The following GLYR1 variants were observed in gnomAD, a reference collection of about 807,000 sequenced individuals.
The protein encoded by GLYR1 is glyoxylate reductase 1 homolog.
A neutral mutation model predicts 72.7 loss-of-function variants in GLYR1; 21 were observed. That is an observed-to-expected ratio of 0.29 (90% CI 0.20 to 0.42). GLYR1 has a LOEUF of 0.42. Among genes scored for constraint, GLYR1 ranks in the 10% least tolerant of loss-of-function variants. GLYR1 has a pLI of 1.00. For synonymous variants in GLYR1, 392 were observed against 270.2 expected, an observed-to-expected ratio of 1.45 and a Z score of -4.42; for missense variants, 594 against 712.1, an observed-to-expected ratio of 0.83 and a Z score of 1.89.
chr16:4,812,877 A>C (rs1238725178), intron 12 of GLYR1, among the ~76,000 whole-genome samples: 1 of 151,026 alleles, frequency 6.6e-6, no homozygotes, highest in Non-Finnish European at 1.5e-5. Context: ...GCTCACTGCA[A>C]ACTCTGCCTC....
chr16:4,820,851 C>G (rs1156335964), intron 9 of GLYR1, among the ~76,000 whole-genome samples: 2 of 152,212 alleles, frequency 1.3e-5, no homozygotes, highest in African/African-American at 4.8e-5. Context: ...ATCGCCCCAC[C>G]CACACCGGGC....
chr16:4,844,402 A>T (rs1486369547), intron 3 of GLYR1, among the ~76,000 whole-genome samples: 1 of 152,240 alleles, frequency 6.6e-6, no homozygotes, highest in East Asian at 1.9e-4. Flanking sequence ...ACATAAATAA[A>T]AGTTTCCACT....
At chr16:4,812,581 C>G (rs778923216) in intron 12 of GLYR1, among the ~76,000 whole-genome samples, 74 of 152,028 alleles carry the variant, frequency 4.9e-4, no homozygotes, top group Non-Finnish European at 9.6e-4. Flanking sequence ...CAAGCTCCGC[C>G]TCGCGGGTTC....
In GLYR1 at chr16:4,841,457, C is replaced by CAAAAAAAA. The variant is rs1160441336; in HGVS notation, c.155+3609_155+3616dup. Among the ~76,000 whole-genome samples, 65 of 31,924 alleles carry CAAAAAAAA rather than the reference C, an allele frequency of 2.0e-3. 4 individuals are homozygous for CAAAAAAAA. Among genetic ancestry groups the CAAAAAAAA allele is most frequent in the East Asian group, 2.7e-3 (2 of 744 alleles). The allele number at this position is 31,924 out of a possible 152,430, so 20.9% of individuals were successfully genotyped here. On this transcript the variant is annotated intron_variant, in intron 3 of 15. Transcript: ENST00000321919. ...GAAACATGGCGAGAACTTGTCTCTA[C>CAAAAAAAA]AAAAAAAAAAAAAAAAAAAAAAAAA...
intron 5 of GLYR1, among the ~76,000 whole-genome samples, chr16:4,826,921 A>C (rs1443370431): frequency 2.6e-5 from 4 of 152,206 alleles, no homozygotes; most frequent in African/African-American, 9.6e-5. Context: ...TCAGTTTGGC[A>C]CTAAGGAAGG....
intron 15 of GLYR1, among the ~76,000 whole-genome samples, chr16:4,808,080 A>C (rs1482432848): frequency 6.6e-6 from 1 of 152,008 alleles, no homozygotes; most frequent in Admixed American, 6.6e-5. Context: ...TACTACAAAT[A>C]CAAAAATTAG....
At chr16:4,818,301 T>C (rs983584006) in intron 9 of GLYR1, among the ~76,000 whole-genome samples, 5 of 152,048 alleles carry the variant, frequency 3.3e-5, no homozygotes, top group Non-Finnish European at 7.4e-5. Flanking sequence ...CCTCACACTT[T>C]ACTTATTTTT....
At chr16:4,838,660 T>C (rs952727656) in intron 3 of GLYR1, among the ~76,000 whole-genome samples, 1 of 151,922 alleles carries the variant, frequency 6.6e-6, no homozygotes, top group African/African-American at 2.4e-5. Context: ...GATCTCGACT[T>C]ACGGCAAGCT....
At chr16:4,813,637 G>T (rs78660617) in intron 12 of GLYR1, 100 bp downstream of exon 12, 20,345 of 1,016,908 alleles carry the variant, frequency 0.02, 254 homozygotes, top group Middle Eastern at 0.027. Context: ...TCCCTCTCTG[G>T]CTTTGGCTCT....
intron 7 of GLYR1, among the ~76,000 whole-genome samples, chr16:4,821,825 G>C (rs551353390): frequency 4.6e-5 from 7 of 152,308 alleles, no homozygotes; most frequent in African/African-American, 1.7e-4. Context: ...GAGAATAAGA[G>C]TCATAAGCTT....
intron 6 of GLYR1, 67 bp downstream of exon 6, chr16:4,823,754 A>G: frequency 8.2e-7 from 1 of 1,215,064 alleles, no homozygotes. Flanking sequence ...AAAAAAAAAA[A>G]AAAAAGGATC....
At chr16:4,840,817 C>T (rs1291691223) in intron 3 of GLYR1, among the ~76,000 whole-genome samples, 1 of 152,210 alleles carries the variant, frequency 6.6e-6, no homozygotes, top group African/African-American at 2.4e-5. Flanking sequence ...CAATCCAGAG[C>T]TCTTTCCCCA....
At chr16:4,829,315 C>CT (rs1266024397) in intron 5 of GLYR1, among the ~76,000 whole-genome samples, 2 of 151,888 alleles carry the variant, frequency 1.3e-5, no homozygotes, top group African/African-American at 4.8e-5. Flanking sequence ...CAGCTTCTCT[C>CT]TTTTTTTGGA....
At chr16:4,815,996 C>G (rs1177911704) in intron 10 of GLYR1, among the ~76,000 whole-genome samples, 1 of 146,766 alleles carries the variant, frequency 6.8e-6, no homozygotes, top group Non-Finnish European at 1.6e-5. Flanking sequence ...GTCTCGATCT[C>G]CTGACCTCGT....
At chr16:4,823,987 A>G (rs1215231849) in intron 5 of GLYR1, 80 bp from the exon 6 acceptor site, 1 of 1,176,594 alleles carries the variant, frequency 8.5e-7, no homozygotes, top group African/African-American at 1.5e-5. Flanking sequence ...AGTCTAAGGG[A>G]AAGTTCAAGC....
intron 3 of GLYR1, among the ~76,000 whole-genome samples, chr16:4,838,151 A>G (rs1487821104): frequency 6.6e-6 from 1 of 152,130 alleles, no homozygotes; most frequent in African/African-American, 2.4e-5. Flanking sequence ...CTTCAGAAAT[A>G]AAGGCACCAG....
At chr16:4,828,700 AGTGCT>A (rs1160109425) in intron 5 of GLYR1, among the ~76,000 whole-genome samples, 1 of 152,070 alleles carries the variant, frequency 6.6e-6, no homozygotes, top group Non-Finnish European at 1.5e-5. Flanking sequence ...CACTGTTCTA[AGTGCT>A]GTGTCCATGT....
chr16:4,832,934 A>G, intron 3 of GLYR1, 22 bp from the exon 4 acceptor site: 1 of 1,604,594 alleles, frequency 6.2e-7, no homozygotes. Context: ...CAAACACAAA[A>G]AGGGTGTGAA....
intron 3 of GLYR1, 47 bp from the exon 4 acceptor site, chr16:4,832,959 C>A: frequency 1.3e-6 from 2 of 1,524,918 alleles, no homozygotes; most frequent in South Asian, 2.6e-5. Context: ...ATAGCATATG[C>A]CCTAAAGTAT....
Sources: gnomAD v4.1 joint callset for allele counts (sites outside exome capture counted in the v4.1 genomes callset) on GRCh38, gnomAD v4.1.1 for gene constraint, MANE v1.5 for transcripts, NCBI Gene and HGNC (gene_info 2026-07-23, HGNC 2026-07-21) for gene names.